Variants in DACH1 observed in about 807,000 individuals in gnomAD.
The protein encoded by DACH1 is dachshund homolog 1.
Under a neutral mutation model 54.2 loss-of-function variants are expected in DACH1, and 12 were observed. That is an observed-to-expected ratio of 0.22 (90% confidence interval 0.14 to 0.36). DACH1 has a LOEUF of 0.36. Ranked by LOEUF, DACH1 falls within the 10% of genes least tolerant of loss-of-function variation. DACH1 has a pLI of 1.00. For missense variants in DACH1, 805 were observed against 929.8 expected (o/e 0.87, Z 1.75); for synonymous variants, 386 against 366.2 (o/e 1.05, Z -0.62).
chr13:71,637,842 T>C (rs769886559), intron 2 of DACH1, among the ~76,000 whole-genome samples: 1 of 152,152 alleles, frequency 6.6e-6, no homozygotes, highest in African/African-American at 2.4e-5. Context: ...AAGATTACAA[T>C]TGTAGATTAT....
intron 2 of DACH1, among the ~76,000 whole-genome samples, chr13:71,650,129 C>A (rs185581576): frequency 1.8e-4 from 28 of 152,208 alleles, no homozygotes; most frequent in African/African-American, 6.7e-4. Flanking sequence ...ATTGAAATAG[C>A]CAAGAATAGT....
chr13:71,502,818 C>T (rs1397588349), intron 6 of DACH1, among the ~76,000 whole-genome samples: 1 of 152,194 alleles, frequency 6.6e-6, no homozygotes. Flanking sequence ...CTATTCCTTC[C>T]CTGACTGCGT....
At chr13:71,780,996 T>C (rs976892124) in intron 1 of DACH1, among the ~76,000 whole-genome samples, 2 of 151,970 alleles carry the variant, frequency 1.3e-5, no homozygotes, top group African/African-American at 2.4e-5. Flanking sequence ...ATTAGCTGGG[T>C]GTGGTGGCAC....
At chr13:71,605,661 G>T (rs963437646) in intron 3 of DACH1, among the ~76,000 whole-genome samples, 5 of 151,816 alleles carry the variant, frequency 3.3e-5, no homozygotes, top group Non-Finnish European at 7.4e-5. Flanking sequence ...TTCATTAAAA[G>T]AGAAATATTT....
At chr13:71,505,600 C>T (rs560809263) in intron 6 of DACH1, among the ~76,000 whole-genome samples, 31 of 152,232 alleles carry the variant, frequency 2.0e-4, no homozygotes, top group Non-Finnish European at 4.4e-4. Flanking sequence ...AGAACTCTTC[C>T]ATATTTAGTA....
intron 1 of DACH1, among the ~76,000 whole-genome samples, chr13:71,775,802 T>C (rs1321691607): frequency 6.6e-6 from 1 of 152,150 alleles, no homozygotes; most frequent in South Asian, 2.1e-4. Context: ...CATATTAGTA[T>C]GAACATTAGT....
At chr13:71,446,120 C>G (rs980608216) in intron 10 of DACH1, among the ~76,000 whole-genome samples, 10 of 152,096 alleles carry the variant, frequency 6.6e-5, no homozygotes, top group African/African-American at 2.4e-4. Context: ...CCTCATTATT[C>G]GGAGGTGTGC....
intron 1 of DACH1, among the ~76,000 whole-genome samples, chr13:71,706,371 A>G (rs1207937868): frequency 6.6e-6 from 1 of 152,052 alleles, no homozygotes; most frequent in Non-Finnish European, 1.5e-5. Context: ...AGTGAGATGT[A>G]TTTTTAATAA....
intron 6 of DACH1, among the ~76,000 whole-genome samples, chr13:71,517,567 G>A (rs1399175868): frequency 6.6e-6 from 1 of 151,546 alleles, no homozygotes; most frequent in East Asian, 1.9e-4. Flanking sequence ...AAATACACAT[G>A]GATTAAATTA....
intron 2 of DACH1, among the ~76,000 whole-genome samples, chr13:71,662,737 T>C (rs1156350368): frequency 1.3e-5 from 2 of 152,026 alleles, no homozygotes; most frequent in Non-Finnish European, 2.9e-5. Context: ...AATTTTCATA[T>C]TTGTGTTGTA....
chr13:71,665,769 A>G (rs1879791240), intron 2 of DACH1, among the ~76,000 whole-genome samples: 1 of 152,134 alleles, frequency 6.6e-6, no homozygotes, highest in Non-Finnish European at 1.5e-5. Context: ...AATGTTACCT[A>G]AAGAGATTAA....
intron 1 of DACH1, among the ~76,000 whole-genome samples, chr13:71,832,991 A>G (rs796555352): frequency 4.6e-5 from 7 of 151,944 alleles, no homozygotes; most frequent in African/African-American, 1.7e-4. Flanking sequence ...TTTTATTTTT[A>G]TTTTTAATGA....
At chr13:71,726,983 T>C (rs764076888) in intron 1 of DACH1, among the ~76,000 whole-genome samples, 23 of 152,098 alleles carry the variant, frequency 1.5e-4, no homozygotes, top group Non-Finnish European at 2.5e-4. Flanking sequence ...TCAATTGATC[T>C]GCTGTTTTCT....
intron 1 of DACH1, among the ~76,000 whole-genome samples, chr13:71,848,266 C>T (rs964820803): frequency 2.6e-5 from 4 of 152,072 alleles, no homozygotes; most frequent in Non-Finnish European, 5.9e-5. Context: ...TCTTATCTTG[C>T]TTCTCAAAAA....
chr13:71,812,565 G>C (rs1887754741), intron 1 of DACH1, among the ~76,000 whole-genome samples: 1 of 59,912 alleles, frequency 1.7e-5, no homozygotes, highest in East Asian at 2.5e-4. Context: ...ACATCAAAAT[G>C]GCACCATCAG....
chr13:71,736,658 T>C (rs529286490), intron 1 of DACH1, among the ~76,000 whole-genome samples: 2 of 152,246 alleles, frequency 1.3e-5, no homozygotes, highest in Admixed American at 6.5e-5. Flanking sequence ...TCAATATGAA[T>C]GCTTACCCTT....
chr13:71,655,114 T>A (rs1879000462), intron 2 of DACH1, among the ~76,000 whole-genome samples: 1 of 152,212 alleles, frequency 6.6e-6, no homozygotes, highest in African/African-American at 2.4e-5. Context: ...TTTCTTCAAC[T>A]TTCTGCAAGA....
At chr13:71,594,197 T>C (rs1169233214) in intron 3 of DACH1, among the ~76,000 whole-genome samples, 7 of 151,612 alleles carry the variant, frequency 4.6e-5, no homozygotes, top group Admixed American at 1.3e-4. Context: ...AGTCTTGGGA[T>C]TCTATCTGTA....
At chr13:71,809,308 A>G (rs1291556287) in intron 1 of DACH1, among the ~76,000 whole-genome samples, 2 of 152,074 alleles carry the variant, frequency 1.3e-5, no homozygotes, top group Non-Finnish European at 2.9e-5. Flanking sequence ...AGTAGCTGGG[A>G]TTACAGGCAT....
Sources: allele counts gnomAD v4.1 joint callset (sites outside exome capture counted in the v4.1 genomes callset), GRCh38; gene constraint gnomAD v4.1.1; transcripts MANE v1.5; gene names NCBI Gene and HGNC (gene_info 2026-07-23, HGNC 2026-07-21).